Variants in COP1 observed in about 807,000 individuals in gnomAD.
The protein encoded by COP1 is E3 ubiquitin-protein ligase COP1.
A neutral mutation model predicts 101.3 loss-of-function variants in COP1; 24 were observed. The observed-to-expected ratio is 0.24, with a 90% CI of 0.17 to 0.33. The LOEUF (loss-of-function observed/expected upper bound fraction) is 0.33. Ranked by LOEUF, COP1 falls within the 10% of genes least tolerant of loss-of-function variation. The probability of loss-of-function intolerance (pLI) is 1.00; values close to 1 mark genes in which losing one functional copy is unlikely to be tolerated. For synonymous variants in COP1, 347 were observed against 341.9 expected (o/e 1.01, Z -0.17); for missense variants, 663 against 906.2 (o/e 0.73, Z 3.45).
intron 3 of COP1, among the ~76,000 whole-genome samples, chr1:176,170,383 C>A (rs1257583249): frequency 6.6e-6 from 1 of 152,120 alleles, no homozygotes; most frequent in Admixed American, 6.5e-5. Context: ...AATAATAAGA[C>A]CTGAAAGTCA....
At chr1:176,002,915 C>G (rs867126409) in intron 15 of COP1, among the ~76,000 whole-genome samples, 3,629 of 150,492 alleles carry the variant, frequency 0.024, 54 homozygotes, top group African/African-American at 0.083. Flanking sequence ...AGTTCTAGAT[C>G]CCTGAGGAAT....
chr1:176,006,780 C>G (rs897636004), intron 15 of COP1, among the ~76,000 whole-genome samples: 6 of 152,104 alleles, frequency 3.9e-5, no homozygotes, highest in African/African-American at 9.7e-5. Context: ...CTGCCCTTAA[C>G]ATTTTTTCCT....
chr1:175,961,407 C>T (rs1357831133), intron 18 of COP1, among the ~76,000 whole-genome samples: 1 of 152,086 alleles, frequency 6.6e-6, no homozygotes, highest in Non-Finnish European at 1.5e-5. Flanking sequence ...TTTATTCATC[C>T]ATCATTATCC....
At chr1:176,188,278 G>A (rs998372080) in intron 1 of COP1, among the ~76,000 whole-genome samples, 1 of 152,072 alleles carries the variant, frequency 6.6e-6, no homozygotes, top group African/African-American at 2.4e-5. Flanking sequence ...AGGTAGAATA[G>A]AATAAAGAAA....
At chr1:176,093,089 T>A (rs983128480) in intron 9 of COP1, among the ~76,000 whole-genome samples, 15 of 152,182 alleles carry the variant, frequency 9.9e-5, no homozygotes, top group African/African-American at 3.6e-4. Context: ...TTTATAAAGT[T>A]CAAATACAGC....
At chr1:175,989,880 T>C (rs992172128) in intron 15 of COP1, among the ~76,000 whole-genome samples, 17 of 152,164 alleles carry the variant, frequency 1.1e-4, no homozygotes, top group African/African-American at 3.1e-4. Context: ...CTTTACTAAA[T>C]TTAACCAGCA....
rs369887649 is a variant in COP1, at chr1:176,028,696, CATATATATATAT to C, written c.1613-1020_1613-1009del. On this transcript the variant is annotated intron_variant, in intron 14 of 19. Transcript: ENST00000367669. ...CTGGAGCTAGGTGGTATATTTGTTTCATATATATATATATATATATATATATATATAGTTTTA... is the reference window on the plus strand; with the variant it reads ...CTGGAGCTAGGTGGTATATTTGTTTCATATATATATATATATATAGTTTTA... Among the ~76,000 whole-genome samples, 347 of 47,914 alleles carry C rather than the reference CATATATATATAT, an allele frequency of 7.2e-3. 8 individuals carry two copies. Among genetic ancestry groups the C allele is most frequent in the East Asian group, 0.011 (9 of 792 alleles). 31.4% of individuals were successfully genotyped at this position (47,914 alleles called of 152,430 possible). A position where few individuals can be genotyped will look rare whatever the true frequency, so the allele number is the denominator to read the frequency against.
At chr1:176,017,025 T>C (rs1665784129) in intron 15 of COP1, among the ~76,000 whole-genome samples, 1 of 152,168 alleles carries the variant, frequency 6.6e-6, no homozygotes, top group Non-Finnish European at 1.5e-5. Flanking sequence ...GTAGGATTAC[T>C]GTAAAAAACA....
chr1:176,026,663 C>T lies in COP1; in HGVS notation c.1729+909G>A, dbSNP rs149074995. Among the ~76,000 whole-genome samples the T allele has an allele frequency of 2.6e-3, 400 of 152,190 alleles. 3 individuals carry two copies. The highest frequency in any genetic ancestry group is 9.2e-3 in the African/African-American group (381 of 41,524). ...AAATTATGTCAGTAGCCCAGTGACACAGTGAGTTGAATAAAAGGAAAAAGT... is the reference window on the plus strand; with the variant it reads ...AAATTATGTCAGTAGCCCAGTGACATAGTGAGTTGAATAAAAGGAAAAAGT... On this transcript the variant is annotated intron_variant, in intron 15 of 19. Coordinates refer to ENST00000367669, the MANE Select transcript of COP1 (RefSeq NM_022457.7).
intron 15 of COP1, among the ~76,000 whole-genome samples, chr1:175,990,076 G>A (rs1177133609): frequency 2.6e-5 from 4 of 151,846 alleles, no homozygotes; most frequent in Non-Finnish European, 5.9e-5. Flanking sequence ...TTTAAAGACA[G>A]ACACTTAAGG....
chr1:175,958,359 A>T (rs1650927674), intron 18 of COP1, among the ~76,000 whole-genome samples: 1 of 80,848 alleles, frequency 1.2e-5, no homozygotes, highest in South Asian at 4.4e-4. Context: ...TATTTATGAG[A>T]TCTCTGTAAC....
At chr1:176,112,302 A>G (rs1685434702) in intron 9 of COP1, among the ~76,000 whole-genome samples, 2 of 150,954 alleles carry the variant, frequency 1.3e-5, no homozygotes, top group Admixed American at 1.3e-4. Flanking sequence ...TCAAGGATCT[A>G]CATTTTTTTT....
intron 6 of COP1, among the ~76,000 whole-genome samples, chr1:176,137,147 G>GTT (rs1689934996): frequency 6.6e-6 from 1 of 152,084 alleles, no homozygotes; most frequent in Admixed American, 6.5e-5. Context: ...CTTCTTAAGG[G>GTT]TTTTAAAAAC....
At chr1:175,979,318 T>C (rs564439427) in intron 18 of COP1, among the ~76,000 whole-genome samples, 7 of 152,288 alleles carry the variant, frequency 4.6e-5, no homozygotes, top group East Asian at 1.9e-4. Context: ...AATTTTATTA[T>C]AGACATCTTT....
chr1:175,968,182 T>G (rs988012393), intron 18 of COP1, among the ~76,000 whole-genome samples: 1 of 152,188 alleles, frequency 6.6e-6, no homozygotes, highest in Non-Finnish European at 1.5e-5. Flanking sequence ...AGAAGAATAA[T>G]ATTTCCACAT....
chr1:175,958,595 A>T (rs1372870827), intron 18 of COP1, among the ~76,000 whole-genome samples: 3 of 152,036 alleles, frequency 2.0e-5, no homozygotes, highest in African/African-American at 7.2e-5. Flanking sequence ...ACAAAATCAG[A>T]ATATAACCCT....
At chr1:176,051,430 A>C (rs1672537065) in intron 11 of COP1, among the ~76,000 whole-genome samples, 1 of 152,256 alleles carries the variant, frequency 6.6e-6, no homozygotes, top group Non-Finnish European at 1.5e-5. Flanking sequence ...AGATGGTGTG[A>C]ACAAACCTAC....
intron 18 of COP1, among the ~76,000 whole-genome samples, chr1:175,950,293 T>C (rs955953300): frequency 6.6e-6 from 1 of 151,252 alleles, no homozygotes; most frequent in South Asian, 2.1e-4. Flanking sequence ...GAAAGAAAAA[T>C]AATGGCTTCA....
chr1:176,004,598 T>C (rs1461462240), intron 15 of COP1, among the ~76,000 whole-genome samples: 3 of 152,196 alleles, frequency 2.0e-5, no homozygotes, highest in Non-Finnish European at 4.4e-5. Context: ...TTTCTGCATC[T>C]ATTGAGATAA....
Sources: allele counts gnomAD v4.1 joint callset (sites outside exome capture counted in the v4.1 genomes callset), GRCh38; gene constraint gnomAD v4.1.1; transcripts MANE v1.5; gene names NCBI Gene and HGNC (gene_info 2026-07-23, HGNC 2026-07-21).